PCDH9: variants seen among roughly 807,000 people sequenced by gnomAD.
The protein encoded by PCDH9 is protocadherin 9.
PCDH9 carries 24 observed loss-of-function variants against 70.6 expected under a neutral mutation model. The observed-to-expected ratio is 0.34, with a 90% CI of 0.25 to 0.48. PCDH9 has a LOEUF of 0.48. Ranked by LOEUF, PCDH9 falls within the 20% of genes least tolerant of loss-of-function variation. The probability of loss-of-function intolerance (pLI) is 0.99; values close to 1 mark genes in which losing one functional copy is unlikely to be tolerated. For synonymous variants in PCDH9, 562 were observed against 558.5 expected, an observed-to-expected ratio of 1.01 and a Z score of -0.09; for missense variants, 1,281 against 1,503.6, an observed-to-expected ratio of 0.85 and a Z score of 2.45.
chr13:67,213,781 T>C (rs1411855898), intron 2 of PCDH9: 1 of 152,202 alleles, frequency 6.6e-6, no homozygotes, highest in Non-Finnish European at 1.5e-5. Flanking sequence ...TGTCTTCTTA[T>C]ATAAAACTAG....
At chr13:66,623,065 C>CTCCGAACACA (rs1428738172) in intron 4 of PCDH9, among the ~76,000 whole-genome samples, 2 of 152,224 alleles carry the variant, frequency 1.3e-5, no homozygotes, top group African/African-American at 4.8e-5. Flanking sequence ...AAGGAAGAAA[C>CTCCGAACACA]TCCGAACACA....
chr13:67,085,098 C>T (rs1192306311), intron 2 of PCDH9, among the ~76,000 whole-genome samples: 3 of 139,332 alleles, frequency 2.2e-5, no homozygotes, highest in Non-Finnish European at 3.0e-5. Flanking sequence ...TAACATATAC[C>T]CTAACTGTTA....
At chr13:66,451,247 C>T (rs894746302) in intron 4 of PCDH9, among the ~76,000 whole-genome samples, 4 of 152,094 alleles carry the variant, frequency 2.6e-5, no homozygotes, top group Non-Finnish European at 5.9e-5. Context: ...GAATACTTTA[C>T]AGAATAAAAT....
intron 4 of PCDH9, among the ~76,000 whole-genome samples, chr13:66,467,654 A>G (rs1245083036): frequency 6.6e-6 from 1 of 152,044 alleles, no homozygotes; most frequent in Non-Finnish European, 1.5e-5. Flanking sequence ...TTGTTTCAGC[A>G]ATTATCCCAC....
intron 3 of PCDH9, among the ~76,000 whole-genome samples, chr13:66,734,617 C>T (rs1593973394): frequency 6.6e-6 from 1 of 152,038 alleles, no homozygotes; most frequent in Admixed American, 6.6e-5. Flanking sequence ...CTACACTAGA[C>T]GTCAATATTA....
chr13:66,624,719 C>T (rs2077475946), intron 4 of PCDH9, among the ~76,000 whole-genome samples: 1 of 152,150 alleles, frequency 6.6e-6, no homozygotes, highest in South Asian at 2.1e-4. Flanking sequence ...AAAATCTCTG[C>T]TTAATTGCAA....
intron 2 of PCDH9, among the ~76,000 whole-genome samples, chr13:67,185,441 T>A (rs2987324): frequency 0.32 from 48,492 of 152,066 alleles, 8,477 homozygotes; most frequent in East Asian, 0.42. Context: ...TGTAGGGCTG[T>A]AAGTTACTTT....
chr13:66,506,175 A>T (rs1959211773), intron 4 of PCDH9, among the ~76,000 whole-genome samples: 1 of 152,166 alleles, frequency 6.6e-6, no homozygotes, highest in Non-Finnish European at 1.5e-5. Flanking sequence ...GCTCACCAGA[A>T]ACCTCTGTGA....
intron 2 of PCDH9, among the ~76,000 whole-genome samples, chr13:67,143,830 G>C (rs948781728): frequency 6.6e-6 from 1 of 152,086 alleles, no homozygotes; most frequent in South Asian, 2.1e-4. Context: ...GTTAAATTCA[G>C]TCTCATTTAA....
chr13:67,137,105 T>G (rs1015553163), intron 2 of PCDH9, among the ~76,000 whole-genome samples: 1 of 152,028 alleles, frequency 6.6e-6, no homozygotes, highest in African/African-American at 2.4e-5. Flanking sequence ...ACATGTACCC[T>G]AGAACTTAAA....
In PCDH9 at chr13:66,932,499, AT is replaced by A. The variant is rs1384261377; in HGVS notation, c.3037-28895del. 2.0e-5 allele frequency among the ~76,000 whole-genome samples: 3 copies of A among 152,072 alleles called. No homozygotes were observed. The East Asian group carries it at 5.8e-4, about 29-fold the overall frequency. On this transcript the variant is annotated intron_variant, in intron 2 of 4. Coordinates refer to ENST00000377865, the MANE Select transcript of PCDH9 (RefSeq NM_203487.3). Reference sequence around the variant, plus strand: ...AATAGAAGAAATAAATTCTGAAAGCATTACTTCTCCAGAGAAATTGTTTAAA... The same window carrying A: ...AATAGAAGAAATAAATTCTGAAAGCATACTTCTCCAGAGAAATTGTTTAAA...
At chr13:66,489,558 T>G (rs1959000237) in intron 4 of PCDH9, among the ~76,000 whole-genome samples, 1 of 152,176 alleles carries the variant, frequency 6.6e-6, no homozygotes, top group African/African-American at 2.4e-5. Flanking sequence ...GGGATTCTCC[T>G]GCTTCAGCTT....
chr13:66,832,141 C>T (rs1489834005), intron 3 of PCDH9, among the ~76,000 whole-genome samples: 5 of 151,868 alleles, frequency 3.3e-5, no homozygotes, highest in African/African-American at 9.7e-5. Flanking sequence ...GGGAACATTG[C>T]TAGCTGAGAG....
intron 3 of PCDH9, among the ~76,000 whole-genome samples, chr13:66,727,738 A>G (rs1228730487): frequency 6.6e-6 from 1 of 152,104 alleles, no homozygotes; most frequent in Non-Finnish European, 1.5e-5. Flanking sequence ...TTTCTCTTCC[A>G]AAAATGATGT....
intron 2 of PCDH9, among the ~76,000 whole-genome samples, chr13:66,957,221 A>G (rs2083277875): frequency 1.3e-5 from 2 of 152,208 alleles, no homozygotes; most frequent in African/African-American, 2.4e-5. Context: ...AAATCCCAAC[A>G]TCTTTCTGAC....
chr13:66,653,025 C>T (rs1167842792), intron 3 of PCDH9, among the ~76,000 whole-genome samples: 1 of 151,976 alleles, frequency 6.6e-6, no homozygotes, highest in East Asian at 1.9e-4. Flanking sequence ...AATCTAAGAC[C>T]CCAAACCATG....
chr13:66,852,285 C>T (rs1010707491), intron 3 of PCDH9, among the ~76,000 whole-genome samples: 2 of 152,036 alleles, frequency 1.3e-5, no homozygotes, highest in African/African-American at 4.8e-5. Context: ...AGAGGGACAT[C>T]TTCCTAGAAA....
At chr13:66,824,276 T>C (rs2139387873) in intron 3 of PCDH9, among the ~76,000 whole-genome samples, 1 of 147,586 alleles carries the variant, frequency 6.8e-6, no homozygotes, top group South Asian at 2.1e-4. Flanking sequence ...GAGCCAATTT[T>C]AAAATTTTGC....
intron 3 of PCDH9, among the ~76,000 whole-genome samples, chr13:66,892,347 C>T (rs2082110640): frequency 6.6e-6 from 1 of 151,006 alleles, no homozygotes; most frequent in African/African-American, 2.4e-5. Context: ...TAATATGTTA[C>T]AATTAATAGA....
Sources: gnomAD v4.1 joint callset for allele counts (sites outside exome capture counted in the v4.1 genomes callset) on GRCh38, gnomAD v4.1.1 for gene constraint, MANE v1.5 for transcripts, NCBI Gene and HGNC (gene_info 2026-07-23, HGNC 2026-07-21) for gene names.